Variants in CLEC1A observed in about 807,000 individuals in gnomAD.
CLEC1A encodes C-type lectin domain family 1 member A.
In CLEC1A, 34 loss-of-function variants were observed where a neutral mutation model predicts 28.7. The ratio of observed to expected loss-of-function variants is 1.18; its 90% CI spans 0.90 to 1.57. CLEC1A has a LOEUF of 1.57. Ranked by LOEUF, CLEC1A falls within the 40% of genes most tolerant of loss-of-function variation. The pLI is 0.00. For synonymous variants in CLEC1A, 116 were observed against 121.0 expected, an observed-to-expected ratio of 0.96 and a Z score of 0.27; for missense variants, 385 against 339.5, an observed-to-expected ratio of 1.13 and a Z score of -1.05.
At chr12:10,081,160 C>T (rs1866359041) in intron 3 of CLEC1A, 77 bp downstream of exon 3, 2 of 1,282,342 alleles carry the variant, frequency 1.6e-6, no homozygotes, top group Non-Finnish European at 2.1e-6. Flanking sequence ...TAATACTTGA[C>T]TCTCACTTTC....
Position 10,084,821 on chromosome 12 carries a change from C to CAAA in CLEC1A, c.215-3411_215-3409dup, listed in dbSNP as rs57574014. Among the ~76,000 whole-genome samples, 125 of 83,746 alleles carry CAAA rather than the reference C, an allele frequency of 1.5e-3. 9 individuals carry two copies. Among genetic ancestry groups the CAAA allele is most frequent in the Middle Eastern group, 0.017 (1 of 58 alleles). The allele number at this position is 83,746 out of a possible 152,430, so 54.9% of individuals were successfully genotyped here. On this transcript the variant is annotated intron_variant, in intron 2 of 5. Coordinates refer to ENST00000315330, the MANE Select transcript of CLEC1A (RefSeq NM_016511.4). ...TAGGCGACAGAGTGAGACTCTGTATCAAAAAAAAAAAAAAAAAAAAAAGAA... is the reference window on the plus strand; with the variant it reads ...TAGGCGACAGAGTGAGACTCTGTATCAAAAAAAAAAAAAAAAAAAAAAAAAGAA...
chr12:10,083,820 C>T (rs995895848), intron 2 of CLEC1A, among the ~76,000 whole-genome samples: 1 of 151,892 alleles, frequency 6.6e-6, no homozygotes, highest in Non-Finnish European at 1.5e-5. Flanking sequence ...AAAAAATTAT[C>T]CAGAGAAATA....
chr12:10,085,983 T>TATTCTCTC (rs1866485140), intron 2 of CLEC1A, among the ~76,000 whole-genome samples: 1 of 152,204 alleles, frequency 6.6e-6, no homozygotes, highest in African/African-American at 2.4e-5. Flanking sequence ...TTATATCAAG[T>TATTCTCTC]ATTCTCTCAA....
At position 10,081,247 on chromosome 12, in the gene CLEC1A, GTTATA is replaced by G. The variant is rs1310897312; in HGVS notation, c.376_380del (p.Tyr126GlnfsTer26). 6.3e-7 allele frequency: 1 copy of G among 1,596,418 alleles called. No homozygotes were observed. Among genetic ancestry groups the G allele is most frequent in the East Asian group, 2.3e-5 (1 of 44,292 alleles). ...CCAGGACACACTTACCTCCAGCTTT[GTTATA>G]CAGCTCACGACAGAGTTTTTCAGCC... On this transcript the variant is annotated frameshift_variant, in exon 3 of 6. Coordinates refer to ENST00000315330, the MANE Select transcript of CLEC1A (RefSeq NM_016511.4). LOFTEE classifies it high-confidence loss of function.
intron 2 of CLEC1A, 63 bp from the exon 3 acceptor site, chr12:10,081,476 T>C: frequency 7.4e-7 from 1 of 1,358,142 alleles, no homozygotes. Flanking sequence ...CATTTTCTGC[T>C]TATGGGGAAG....
At chr12:10,086,571 T>C (rs367772350) in intron 2 of CLEC1A, among the ~76,000 whole-genome samples, 1 of 152,040 alleles carries the variant, frequency 6.6e-6, no homozygotes, top group East Asian at 1.9e-4. Flanking sequence ...GATAGATAAA[T>C]TCCTGGAAAT....
At chr12:10,076,277 C>G (rs950686259) in intron 3 of CLEC1A, among the ~76,000 whole-genome samples, 2 of 152,048 alleles carry the variant, frequency 1.3e-5, no homozygotes, top group Non-Finnish European at 2.9e-5. Flanking sequence ...GACCTTGGGT[C>G]ATTTAGAGTT....
intron 5 of CLEC1A, among the ~76,000 whole-genome samples, chr12:10,072,035 A>C (rs1866146435): frequency 6.6e-6 from 1 of 152,074 alleles, no homozygotes; most frequent in Non-Finnish European, 1.5e-5. Flanking sequence ...CCAGTGTTGG[A>C]GATGGGGCCT....
intron 1 of CLEC1A, among the ~76,000 whole-genome samples, chr12:10,095,939 C>T (rs981530909): frequency 2.0e-5 from 3 of 152,106 alleles, no homozygotes; most frequent in African/African-American, 7.2e-5. Flanking sequence ...TGTTGATATT[C>T]CCTCAGATTA....
chr12:10,089,005 C>A, intron 2 of CLEC1A, 119 bp downstream of exon 2: 1 of 751,322 alleles, frequency 1.3e-6, no homozygotes, highest in Non-Finnish European at 2.3e-6. Flanking sequence ...AAAAAAGATA[C>A]ACTGAATTTT....
In CLEC1A at chr12:10,081,330, A is replaced by G. The variant is rs1487174905; in HGVS notation, c.298T>C (p.Leu100=). ...ATATTCTGGACTTGAAGAGATTGCA[A>G]CTCTTGGGACGTATTTCCTAATCTT... ...EERLGNTSQE[L]QSLQVQNIKL... Residue 100 remains leucine (L), a synonymous_variant, in exon 3 of 6, where the codon TTG becomes CTG. Transcript: ENST00000315330. 1 of 1,612,346 alleles carries G rather than the reference A, an allele frequency of 6.2e-7. No individual in the cohort carries two copies. Among genetic ancestry groups the G allele is most frequent in the Non-Finnish European group, 8.5e-7 (1 of 1,179,110 alleles).
chr12:10,087,982 A>G (rs1487223126), intron 2 of CLEC1A, among the ~76,000 whole-genome samples: 1 of 152,124 alleles, frequency 6.6e-6, no homozygotes, highest in Non-Finnish European at 1.5e-5. Context: ...AATGTTACTC[A>G]ACATAAAACC....
In CLEC1A at chr12:10,073,364, C is replaced by A; in HGVS notation, c.591G>T (p.Trp197Cys). The A allele has an allele frequency of 1.9e-6, 3 of 1,614,038 alleles. No individual in the cohort carries two copies. Among genetic ancestry groups the A allele is most frequent in the Non-Finnish European group, 2.5e-6 (3 of 1,179,962 alleles). The change falls in exon 5 of 6, where the codon TGG becomes TGT. Residue 197 changes from tryptophan to cysteine, a missense_variant. By Grantham distance (215) the Trp-to-Cys change is radical. Transcript: ENST00000315330. ...QSYSEFFYSY[W>C]TGLLRPDSGK... ...CACTGTCAGGGCGCAAAAGCCCTGT[C>A]CAATAAGAGTAGAAAAACTCAGAGT...
At chr12:10,078,476 C>A (rs1455280813) in intron 3 of CLEC1A, among the ~76,000 whole-genome samples, 2 of 152,172 alleles carry the variant, frequency 1.3e-5, no homozygotes, top group Non-Finnish European at 2.9e-5. Flanking sequence ...ACCATATAAT[C>A]ATCTTAATTC....
At chr12:10,080,168 C>G (rs1866337696) in intron 3 of CLEC1A, among the ~76,000 whole-genome samples, 1 of 152,100 alleles carries the variant, frequency 6.6e-6, no homozygotes, top group South Asian at 2.1e-4. Flanking sequence ...AAAAAATTAG[C>G]TGGGTGCAGT....
intron 1 of CLEC1A, among the ~76,000 whole-genome samples, chr12:10,093,782 A>C (rs1486055613): frequency 6.6e-6 from 1 of 152,142 alleles, no homozygotes; most frequent in Non-Finnish European, 1.5e-5. Context: ...GGCAATGTAC[A>C]TAATATTTCA....
At chr12:10,074,035 A>T (rs553154258) in intron 4 of CLEC1A, among the ~76,000 whole-genome samples, 1 of 152,144 alleles carries the variant, frequency 6.6e-6, no homozygotes, top group African/African-American at 2.4e-5. Context: ...ATCTAGTCTC[A>T]CTCTGCACTC....
At position 10,069,983 on chromosome 12, in the gene CLEC1A, A is replaced by C. The variant is rs984649512; in HGVS notation, c.*1350T>G. On this transcript the variant is annotated 3_prime_UTR_variant, in exon 6 of 6. Coordinates refer to ENST00000315330, the MANE Select transcript of CLEC1A (RefSeq NM_016511.4). ...AGCACCTCAGTTTCCACTGTTGAAAAACAAAGATTTATAATGTTATCTTTT... is the reference window on the plus strand; with the variant it reads ...AGCACCTCAGTTTCCACTGTTGAAACACAAAGATTTATAATGTTATCTTTT... 6 of 152,246 alleles carry C rather than the reference A, an allele frequency of 3.9e-5. No homozygotes were observed. Among genetic ancestry groups the C allele is most frequent in the Non-Finnish European group, 8.8e-5 (6 of 68,048 alleles). The allele number at this position is 152,246 out of a possible 1,614,324, so 9.4% of individuals were successfully genotyped here. A position where few individuals can be genotyped will look rare whatever the true frequency, so the allele number is the denominator to read the frequency against.
chr12:10,089,280 C>A, intron 1 of CLEC1A, 58 bp from the exon 2 acceptor site: 2 of 1,384,302 alleles, frequency 1.4e-6, no homozygotes, highest in South Asian at 2.4e-5. Flanking sequence ...GCATCTAAGT[C>A]AATAACAGGT....
Sources: allele counts gnomAD v4.1 joint callset (sites outside exome capture counted in the v4.1 genomes callset), GRCh38; gene constraint gnomAD v4.1.1; transcripts MANE v1.5; gene names NCBI Gene and HGNC (gene_info 2026-07-23, HGNC 2026-07-21).